The following RASAL2 variants were observed in gnomAD, a reference collection of about 807,000 sequenced individuals.
RASAL2 encodes RAS protein activator like 2.
RASAL2 carries 58 observed loss-of-function variants against 128.9 expected under a neutral mutation model. The observed-to-expected ratio is 0.45, with a 90% CI of 0.36 to 0.56. The LOEUF is 0.56. Among genes scored for constraint, RASAL2 ranks in the 20% least tolerant of loss-of-function variants. RASAL2 has a pLI of 0.00. For synonymous variants in RASAL2, 561 were observed against 580.8 expected, an observed-to-expected ratio of 0.97 and a Z score of 0.49; for missense variants, 1,360 against 1,601.6, an observed-to-expected ratio of 0.85 and a Z score of 2.57.
intron 1 of RASAL2, among the ~76,000 whole-genome samples, chr1:178,259,269 T>A (rs1362623925): frequency 6.6e-6 from 1 of 151,262 alleles, no homozygotes; most frequent in Non-Finnish European, 1.5e-5. Context: ...TAGCTGGGAC[T>A]ACAGGCGCCC....
chr1:178,169,494 A>G (rs188851042), intron 1 of RASAL2, among the ~76,000 whole-genome samples: 9 of 152,262 alleles, frequency 5.9e-5, no homozygotes, highest in African/African-American at 2.2e-4. Flanking sequence ...CTAATTGCTT[A>G]CCTTTGGGTA....
At chr1:178,248,550 G>A (rs1368939737) in intron 1 of RASAL2, among the ~76,000 whole-genome samples, 1 of 152,058 alleles carries the variant, frequency 6.6e-6, no homozygotes, top group African/African-American at 2.4e-5. Context: ...TTACATTTAA[G>A]GTTAATATCG....
chr1:178,284,298 G>A (rs1309663211), intron 2 of RASAL2, among the ~76,000 whole-genome samples: 5 of 152,200 alleles, frequency 3.3e-5, no homozygotes, highest in Non-Finnish European at 7.3e-5. Context: ...AAAATGGCCA[G>A]CAGGGAGGAA....
At chr1:178,243,970 A>G (rs1341263487) in intron 1 of RASAL2, among the ~76,000 whole-genome samples, 1 of 152,158 alleles carries the variant, frequency 6.6e-6, no homozygotes, top group African/African-American at 2.4e-5. Flanking sequence ...AAATATCTGC[A>G]GTTGTTGAAT....
At chr1:178,168,503 T>A (rs1270756232) in intron 1 of RASAL2, among the ~76,000 whole-genome samples, 1 of 152,100 alleles carries the variant, frequency 6.6e-6, no homozygotes, top group Non-Finnish European at 1.5e-5. Context: ...AAGTTTTTAC[T>A]GGTAATCTAT....
intron 4 of RASAL2, among the ~76,000 whole-genome samples, chr1:178,406,957 T>C (rs1380010938): frequency 2.6e-5 from 4 of 152,144 alleles, no homozygotes; most frequent in Non-Finnish European, 4.4e-5. Flanking sequence ...ATGAAAGTTT[T>C]AGTTTGCTTA....
At chr1:178,387,134 T>G (rs1571978155) in intron 3 of RASAL2, among the ~76,000 whole-genome samples, 1 of 152,276 alleles carries the variant, frequency 6.6e-6, no homozygotes, top group East Asian at 1.9e-4. Flanking sequence ...TCCAAAGGCC[T>G]ATTCTACACT....
rs1244007244 is a variant in RASAL2 at position 178,315,511 on chromosome 1, G to A, written c.457+15393G>A. ...CTGGTGTGAGATGGTATCTCATTGTGGTTTTGATTTGCATTTCTCTGATGG... is the reference window on the plus strand; with the variant it reads ...CTGGTGTGAGATGGTATCTCATTGTAGTTTTGATTTGCATTTCTCTGATGG... On this transcript the variant is annotated intron_variant, in intron 3 of 17. Coordinates refer to ENST00000367649, the MANE Select transcript of RASAL2 (RefSeq NM_170692.4). Among the ~76,000 whole-genome samples, 24 of 144,700 alleles carry A rather than the reference G, an allele frequency of 1.7e-4. 1 individual carries two copies. The highest frequency in any genetic ancestry group is 6.1e-4 in the African/African-American group (22 of 35,952). The allele number at this position is 144,700 out of a possible 152,430, so 94.9% of individuals were successfully genotyped here. A position where few individuals can be genotyped will look rare whatever the true frequency, so the allele number is the denominator to read the frequency against.
At chr1:178,225,007 T>A (rs1317099931) in intron 1 of RASAL2, among the ~76,000 whole-genome samples, 1 of 152,172 alleles carries the variant, frequency 6.6e-6, no homozygotes, top group Non-Finnish European at 1.5e-5. Context: ...AAAATGCTAA[T>A]TTAAGCAGGT....
chr1:178,460,643 G>C (rs1410348163), intron 14 of RASAL2, among the ~76,000 whole-genome samples: 1 of 152,130 alleles, frequency 6.6e-6, no homozygotes, highest in African/African-American at 2.4e-5. Context: ...GGCACAGTGA[G>C]ATGTCCAGGT....
At chr1:178,373,274 C>CT (rs60835442) in intron 3 of RASAL2, among the ~76,000 whole-genome samples, 4,926 of 60,476 alleles carry the variant, frequency 0.081, 789 homozygotes, top group African/African-American at 0.3. Flanking sequence ...TGTTTCTTTC[C>CT]TTTTTTTTTT....
chr1:178,214,986 G>A (rs905534983), intron 1 of RASAL2, among the ~76,000 whole-genome samples: 4 of 152,186 alleles, frequency 2.6e-5, no homozygotes, highest in Non-Finnish European at 5.9e-5. Flanking sequence ...AACCTTTTCT[G>A]TAAGGGGAAC....
chr1:178,395,771 G>GTATATATAGTTATATATATATATATATA, intron 4 of RASAL2, among the ~76,000 whole-genome samples: 1 of 133,000 alleles, frequency 7.5e-6, no homozygotes, highest in Admixed American at 7.2e-5. Context: ...TTAATGAACA[G>GTATATATAGTTATATATATATATATATA]TATATATATA....
chr1:178,121,300 G>A (rs1280830803), intron 1 of RASAL2, among the ~76,000 whole-genome samples: 1 of 152,044 alleles, frequency 6.6e-6, no homozygotes, highest in Non-Finnish European at 1.5e-5. Context: ...GTATTACTTT[G>A]ATGTGCATGA....
chr1:178,345,384 C>G (rs1196201708), intron 3 of RASAL2, among the ~76,000 whole-genome samples: 1 of 152,114 alleles, frequency 6.6e-6, no homozygotes, highest in African/African-American at 2.4e-5. Flanking sequence ...AGGTGTCGTT[C>G]AGGATCAAGT....
chr1:178,157,666 C>G (rs1661128467), intron 1 of RASAL2, among the ~76,000 whole-genome samples: 1 of 152,080 alleles, frequency 6.6e-6, no homozygotes, highest in Non-Finnish European at 1.5e-5. Context: ...TCCTTTAACT[C>G]CCTGAGTACA....
intron 1 of RASAL2, among the ~76,000 whole-genome samples, chr1:178,229,995 A>AT (rs569140654): frequency 2.1e-4 from 31 of 150,606 alleles, no homozygotes; most frequent in African/African-American, 7.1e-4. Flanking sequence ...CTTTTCTGAT[A>AT]TTTTTTTTCT....
chr1:178,289,315 C>A (rs1228561753), intron 2 of RASAL2, among the ~76,000 whole-genome samples: 2 of 152,126 alleles, frequency 1.3e-5, no homozygotes, highest in Non-Finnish European at 2.9e-5. Context: ...CTGGAAGTTT[C>A]TTTTGAGTCA....
intron 2 of RASAL2, among the ~76,000 whole-genome samples, chr1:178,288,642 CTTTTTTTT>C (rs60150701): frequency 1.8e-4 from 18 of 97,304 alleles, no homozygotes; most frequent in African/African-American, 5.5e-4. Context: ...CTTTCTCTCT[CTTTTTTTT>C]TTTTTTTTTT....
Sources: allele counts gnomAD v4.1 joint callset (sites outside exome capture counted in the v4.1 genomes callset), GRCh38; gene constraint gnomAD v4.1.1; transcripts MANE v1.5; gene names NCBI Gene and HGNC (gene_info 2026-07-23, HGNC 2026-07-21).